The following MCCC1 variants were observed in gnomAD, a reference collection of about 807,000 sequenced individuals.
MCCC1 encodes the protein methylcrotonyl-CoA carboxylase subunit 1, also known as methylcrotonoyl-CoA carboxylase subunit alpha, mitochondrial.
Under a neutral mutation model 83.8 loss-of-function variants are expected in MCCC1, and 64 were observed. The observed-to-expected ratio is 0.76, with a 90% confidence interval of 0.62 to 0.94. MCCC1 has a LOEUF of 0.94. MCCC1 is among the 40% of genes least tolerant of loss of function. The pLI is 0.00. For missense variants in MCCC1, 807 were observed against 904.7 expected, an observed-to-expected ratio of 0.89 and a Z score of 1.39; for synonymous variants, 322 against 315.4, an observed-to-expected ratio of 1.02 and a Z score of -0.22.
chr3:183,063,986 T>A (rs2108514790), intron 7 of MCCC1, among the ~76,000 whole-genome samples: 1 of 152,234 alleles, frequency 6.6e-6, no homozygotes, highest in Non-Finnish European at 1.5e-5. Context: ...CCCCTCTCAA[T>A]AAAAGGCAAG....
At chr3:183,069,157 G>C (rs756399918) in intron 7 of MCCC1, among the ~76,000 whole-genome samples, 2 of 152,132 alleles carry the variant, frequency 1.3e-5, no homozygotes, top group Non-Finnish European at 2.9e-5. Context: ...AAGGAAAGTA[G>C]TATGCCAGGC....
intron 7 of MCCC1, among the ~76,000 whole-genome samples, chr3:183,058,097 G>A (rs1715558293): frequency 2.6e-5 from 4 of 152,120 alleles, no homozygotes; most frequent in Non-Finnish European, 4.4e-5. Context: ...AGAAAAGACT[G>A]ACAAATTTGA....
chr3:183,099,508 G>C (rs757717863), upstream of MCCC1: 99 of 1,536,316 alleles, frequency 6.4e-5, no homozygotes, highest in Non-Finnish European at 8.5e-5. Flanking sequence ...CGCCAAACCC[G>C]TTCCTCCACT....
intron 14 of MCCC1, among the ~76,000 whole-genome samples, chr3:183,029,956 C>T (rs991304666): frequency 2.6e-5 from 4 of 152,132 alleles, no homozygotes; most frequent in Non-Finnish European, 5.9e-5. Flanking sequence ...GTCTTATTTC[C>T]TACCATTCTC....
At chr3:183,026,443 G>A (rs1489171556) in intron 14 of MCCC1, among the ~76,000 whole-genome samples, 3 of 152,162 alleles carry the variant, frequency 2.0e-5, no homozygotes, top group Non-Finnish European at 2.9e-5. Context: ...CAGGTGCGGC[G>A]GCTCATGCCT....
intron 17 of MCCC1, among the ~76,000 whole-genome samples, 153 bp downstream of exon 17, chr3:183,019,973 TAAAC>T (rs921137172): frequency 2.0e-5 from 3 of 152,226 alleles, no homozygotes; most frequent in Non-Finnish European, 4.4e-5. Flanking sequence ...AGGACTGTAA[TAAAC>T]AATTTGAATC....
chr3:183,083,329 T>C (rs987618688), intron 4 of MCCC1, among the ~76,000 whole-genome samples: 2 of 152,186 alleles, frequency 1.3e-5, no homozygotes, highest in Admixed American at 6.5e-5. Context: ...TCTGATCAGG[T>C]CTGCCCCAAA....
Position 183,105,110 on chromosome 3 carries a change from C to T in MCCC1, c.-102+10364G>A, listed in dbSNP as rs562685102. On this transcript the variant is annotated intron_variant, in intron 1 of 17. Coordinates refer to the MCCC1 transcript ENST00000492597. ...CTGTAATCCCAGCACTTTGGGAGTC[C>T]GAGGCAGGCGACTCACCTGATGTTG... Among the ~76,000 whole-genome samples the T allele has an allele frequency of 2.3e-4, 35 of 152,060 alleles. No homozygotes were observed. In the South Asian group the frequency reaches 5.0e-3, roughly 22 times the overall value.
At chr3:183,092,661 G>T (rs1230346987) in intron 2 of MCCC1, 116 bp from the exon 3 acceptor site, 4 of 1,352,028 alleles carry the variant, frequency 3.0e-6, no homozygotes, top group Non-Finnish European at 3.1e-6. Flanking sequence ...AAGGTTTTTG[G>T]TAAAACTAGC....
At chr3:183,084,475 A>G (rs1717745978) in intron 4 of MCCC1, among the ~76,000 whole-genome samples, 1 of 152,188 alleles carries the variant, frequency 6.6e-6, no homozygotes, top group African/African-American at 2.4e-5. Context: ...TACCCTCCTA[A>G]GGACCTTTTA....
intron 13 of MCCC1, among the ~76,000 whole-genome samples, chr3:183,034,417 C>G (rs1197861689): frequency 6.8e-6 from 1 of 146,716 alleles, no homozygotes; most frequent in East Asian, 2.0e-4. Flanking sequence ...CGCCACTGCA[C>G]CGGATCCAGC....
intron 14 of MCCC1, among the ~76,000 whole-genome samples, chr3:183,028,685 G>C (rs2108451160): frequency 6.6e-6 from 1 of 152,340 alleles, no homozygotes; most frequent in East Asian, 1.9e-4. Context: ...GGTAGAAATA[G>C]TAAGGGAGCT....
chr3:183,017,180 T>G, intron 18 of MCCC1, 86 bp downstream of exon 18: 1 of 1,141,996 alleles, frequency 8.8e-7, no homozygotes, highest in Non-Finnish European at 1.3e-6. Context: ...TTTAAGGTGG[T>G]ATTAACTTAC....
At chr3:183,066,220 T>C (rs1327308060) in intron 7 of MCCC1, among the ~76,000 whole-genome samples, 1 of 152,184 alleles carries the variant, frequency 6.6e-6, no homozygotes, top group Non-Finnish European at 1.5e-5. Context: ...CTTTGTCAAT[T>C]GTGTTTTTAA....
At chr3:183,071,154 A>G (rs1560256916) in intron 6 of MCCC1, 34 bp from the exon 7 acceptor site, 5 of 1,614,084 alleles carry the variant, frequency 3.1e-6, no homozygotes, top group South Asian at 1.1e-5. Flanking sequence ...ACTACAACAT[A>G]AATAAAACAA....
At chr3:183,029,521 A>T (rs1560210772) in intron 14 of MCCC1, among the ~76,000 whole-genome samples, 1 of 151,674 alleles carries the variant, frequency 6.6e-6, no homozygotes, top group Non-Finnish European at 1.5e-5. Context: ...CATGCCTCGT[A>T]CTCCTTCGCT....
chr3:183,033,119 A>G (rs1713224071), intron 14 of MCCC1, among the ~76,000 whole-genome samples: 1 of 152,202 alleles, frequency 6.6e-6, no homozygotes, highest in Admixed American at 6.5e-5. Flanking sequence ...CTCACAGCAG[A>G]AGGGATACAG....
At chr3:183,045,896 C>G (rs1489903675) in intron 9 of MCCC1, among the ~76,000 whole-genome samples, 1 of 152,154 alleles carries the variant, frequency 6.6e-6, no homozygotes, top group Non-Finnish European at 1.5e-5. Context: ...CACCCTAACC[C>G]CATGGAGAAA....
At chr3:183,052,832 A>C (rs2108498381) in intron 8 of MCCC1, among the ~76,000 whole-genome samples, 1 of 151,404 alleles carries the variant, frequency 6.6e-6, no homozygotes, top group African/African-American at 2.4e-5. Flanking sequence ...AAAAAAAAAA[A>C]AATACAGCCC....
Sources: allele counts gnomAD v4.1 joint callset (sites outside exome capture counted in the v4.1 genomes callset), GRCh38; gene constraint gnomAD v4.1.1; transcripts MANE v1.5; gene names NCBI Gene and HGNC (gene_info 2026-07-23, HGNC 2026-07-21).